Variants in TTN observed in about 807,000 individuals in gnomAD.
TTN encodes the protein connectin.
Under a neutral mutation model 3,223.0 loss-of-function variants are expected in TTN, and 1,525 were observed. The observed-to-expected ratio is 0.47, with a 90% confidence interval of 0.45 to 0.49. The LOEUF is 0.49. Among genes scored for constraint, TTN ranks in the 20% least tolerant of loss-of-function variants. The probability of loss-of-function intolerance (pLI) is 0.00; values close to 1 mark genes in which losing one functional copy is unlikely to be tolerated. For synonymous variants in TTN, 14,094 were observed against 15,161.0 expected, an observed-to-expected ratio of 0.93 and a Z score of 5.17; for missense variants, 40,786 against 43,424.0, an observed-to-expected ratio of 0.94 and a Z score of 5.40.
intron 155 of TTN, 35 bp from the exon 156 acceptor site, chr2:178,671,205 C>T (rs753069923): frequency 2.6e-6 from 4 of 1,516,110 alleles, no homozygotes; most frequent in Middle Eastern, 2.0e-4. Context: ...TTAGAATGAA[C>T]TCTTGAAGTA....
In TTN at chr2:178,635,686, T is replaced by C; in HGVS notation, c.41638A>G (p.Ile13880Val). 1 of 1,602,226 alleles carries C rather than the reference T, an allele frequency of 6.2e-7. No homozygotes were observed. The highest frequency in any genetic ancestry group is 8.5e-7 in the Non-Finnish European group (1 of 1,174,024). Residue 13880 changes from isoleucine (I) to valine (V), a missense_variant, in exon 227 of 363, where the codon ATA (isoleucine) becomes GTA (valine). Coordinates refer to ENST00000589042, the MANE Select transcript of TTN (RefSeq NM_001267550.2). ...EVIRDWLVKPIRDQHVKPKGT... is the reference protein window; with the variant it reads ...EVIRDWLVKPVRDQHVKPKGT... Reference sequence around the variant, plus strand: ...TTGGGTTTCACATGCTGGTCTCGTATAGGTTTCACCAGCCAATCTCTAATG... The same window carrying C: ...TTGGGTTTCACATGCTGGTCTCGTACAGGTTTCACCAGCCAATCTCTAATG...
At chr2:178,781,011 A>C in intron 21 of TTN, 110 bp downstream of exon 21, 1 of 1,462,864 alleles carries the variant, frequency 6.8e-7, no homozygotes, top group Non-Finnish European at 9.5e-7. Flanking sequence ...ACACTGGGGC[A>C]AAGTATCAGA....
Position 178,539,965 on chromosome 2 carries a change from T to C in TTN, c.98100A>G (p.Glu32700=). Reference sequence around the variant, plus strand: ...TTTCATCAAGTTCATAATCAGGATATTCTGGAAAAAAAGGTAGGGTTTCAA... The same window carrying C: ...TTTCATCAAGTTCATAATCAGGATACTCTGGAAAAAAAGGTAGGGTTTCAA... ...PGTVKVTEML[E]YPDYELDERY... Residue 32700 remains glutamate (E), a splice_region_variant and synonymous_variant, in exon 352 of 363, where the codon GAA becomes GAG. Coordinates refer to ENST00000589042, the MANE Select transcript of TTN (RefSeq NM_001267550.2). 6.2e-7 allele frequency: 1 copy of C among 1,610,196 alleles called. No individual in the cohort carries two copies. The highest frequency in any genetic ancestry group is 8.5e-7 in the Non-Finnish European group (1 of 1,177,444).
At chr2:178,659,129 GACAA>G (rs746956545) in intron 181 of TTN, 39 bp downstream of exon 181, 20 of 656,794 alleles carry the variant, frequency 3.0e-5, no homozygotes, top group African/African-American at 1.1e-4. Flanking sequence ...ACAAAGTAAA[GACAA>G]ACAAACAATA....
rs777445188 is a variant in TTN at position 178,717,379 on chromosome 2, T to C, written c.25355A>G (p.His8452Arg). 1.2e-6 allele frequency: 2 copies of C among 1,604,394 alleles called. No homozygotes were observed. Among genetic ancestry groups the C allele is most frequent in the East Asian group, 2.2e-5 (1 of 44,722 alleles). ...TAGATCAAAGAAAGGAGGCACTTCA[T>C]GCTCTGAAAAGAATGAAGACCAACA... ...SSSAKLILSEHEVPPFFDLKP... is the reference protein window; with the variant it reads ...SSSAKLILSEREVPPFFDLKP... The change falls in exon 88 of 363, where the codon CAT becomes CGT. Residue 8452 changes from histidine to arginine, a missense_variant. His to Arg is a conservative substitution (Grantham distance 29). Coordinates refer to ENST00000589042, the MANE Select transcript of TTN (RefSeq NM_001267550.2).
At position 178,577,507 on chromosome 2, in the gene TTN, GCCTCTGC is replaced by G; in HGVS notation, c.68825-4_68827del. On this transcript the variant is annotated splice_acceptor_variant and splice_polypyrimidine_tract_variant and coding_sequence_variant and intron_variant, in exon 324 of 363. Coordinates refer to ENST00000589042, the MANE Select transcript of TTN (RefSeq NM_001267550.2). LOFTEE classifies it high-confidence loss of function. ...TGTGGGATCAAGGACAATTGTTGGT[GCCTCTGC>G]AAAGAAAAAAATACATTTTAATCAG... 1.3e-6 allele frequency: 2 copies of G among 1,568,596 alleles called. No individual in the cohort carries two copies. Among genetic ancestry groups the G allele is most frequent in the Admixed American group, 3.7e-5 (2 of 53,732 alleles).
At position 178,577,786 on chromosome 2, in the gene TTN, C is replaced by T. The variant is rs370292933; in HGVS notation, c.68640G>A (p.Lys22880=). ...GHKLTGYIVE[K]RDLPSKSWMK... ...TCCAAGACTTCGAAGGTAGATCTCG[C>T]TTCTCCACTATATATCCAGTTAACT... Residue 22880 remains lysine (K), a synonymous_variant, in exon 323 of 363, where the codon AAG becomes AAA. Transcript: ENST00000589042. The T allele has an allele frequency of 1.6e-5, 25 of 1,611,192 alleles. No individual in the cohort carries two copies. The African/African-American group carries it at 3.1e-4, about 20-fold the overall frequency.
intron 2 of TTN, among the ~76,000 whole-genome samples, chr2:178,804,288 T>C (rs1014772529): frequency 6.6e-6 from 1 of 152,216 alleles, no homozygotes; most frequent in Non-Finnish European, 1.5e-5. Context: ...AGTTGCTGGA[T>C]TCTAACGGCA....
chr2:178,698,973 T>G, intron 111 of TTN, 59 bp from the exon 112 acceptor site: 1 of 1,424,598 alleles, frequency 7.0e-7, no homozygotes, highest in Non-Finnish European at 9.3e-7. Flanking sequence ...GTAACTAAAA[T>G]GCTTTCAGGA....
Position 178,774,061 on chromosome 2 carries a change from C to T in TTN, c.7107G>A (p.Glu2369=), listed in dbSNP as rs2154344970. The T allele has an allele frequency of 6.2e-7, 1 of 1,614,066 alleles. No individual in the cohort carries two copies. The highest frequency in any genetic ancestry group is 8.5e-7 in the Non-Finnish European group (1 of 1,179,996). The stretch of plus-strand genomic sequence containing the variant: ...TAACTTCAAGCTGAACAATGTCACC[C>T]TCACAGACTTTTTGGTCACTAAGTC... ...LQGLSDQKVC[E]GDIVQLEVKV... is the part of the protein sequence containing the mutation. Residue 2369 remains glutamate, a synonymous_variant, in exon 31 of 363, where the codon GAG becomes GAA. Coordinates refer to ENST00000589042, the MANE Select transcript of TTN (RefSeq NM_001267550.2).
At position 178,770,064 on chromosome 2, in the gene TTN, CACAA is replaced by C. The variant is rs727503686; in HGVS notation, c.8633_8636del (p.Phe2878TrpfsTer10). On this transcript the variant is annotated frameshift_variant, in exon 36 of 363. Coordinates refer to ENST00000589042, the MANE Select transcript of TTN (RefSeq NM_001267550.2). LOFTEE classifies it high-confidence loss of function. Reference sequence around the variant, plus strand: ...AGGGGGCTGCCTGATACTTACTCTCCACAAACAGTTTTGCTTTGCATTCCAATTG... The same window carrying C: ...AGGGGGCTGCCTGATACTTACTCTCCACAGTTTTGCTTTGCATTCCAATTG... 1 of 1,614,132 alleles carries C rather than the reference CACAA, an allele frequency of 6.2e-7. No individual in the cohort carries two copies. The highest frequency in any genetic ancestry group is 8.5e-7 in the Non-Finnish European group (1 of 1,180,006).
intron 44 of TTN, among the ~76,000 whole-genome samples, chr2:178,758,148 T>C (rs1297243113): frequency 6.6e-6 from 1 of 152,324 alleles, no homozygotes; most frequent in East Asian, 1.9e-4. Context: ...ACATTGTTCA[T>C]GAAGGCAATA....
intron 316 of TTN, 42 bp from the exon 317 acceptor site, chr2:178,580,651 G>A: frequency 6.4e-7 from 1 of 1,556,004 alleles, no homozygotes; most frequent in Non-Finnish European, 8.7e-7. Context: ...AAATTTAATA[G>A]TCAAATGTAT....
Position 178,539,840 on chromosome 2 carries a change from C to A in TTN, c.98225G>T (p.Gly32742Val). The A allele has an allele frequency of 6.2e-7, 1 of 1,613,830 alleles. No homozygotes were observed. Among genetic ancestry groups the A allele is most frequent in the Non-Finnish European group, 8.5e-7 (1 of 1,179,780 alleles). ...CATGGCACGCTTACTAATATCCTGGCCTTCCTTGGTCCATTTACATATTGG... is the reference window on the plus strand; with the variant it reads ...CATGGCACGCTTACTAATATCCTGGACTTCCTTGGTCCATTTACATATTGG... ...PFPICKWTKE[G>V]QDISKRAMIA... Residue 32742 changes from glycine (G) to valine (V), a missense_variant, in exon 352 of 363, where the codon GGC becomes GTC. Physicochemically the swap from Gly to Val is moderately radical, Grantham distance 109. Coordinates refer to ENST00000589042, the MANE Select transcript of TTN (RefSeq NM_001267550.2).
In TTN at chr2:178,746,195, G is replaced by A. The variant is rs1047441070; in HGVS notation, c.11312-4274C>T. On this transcript the variant is annotated intron_variant, in intron 47 of 362. Coordinates refer to ENST00000589042, the MANE Select transcript of TTN (RefSeq NM_001267550.2). ...TTCGGGAGTCGGGATCCCTATGACT[G>A]AACATTTGAATACAGCATCTGAATT... The A allele has an allele frequency of 6.2e-6, 10 of 1,613,134 alleles. No homozygotes were observed. The Admixed American group carries it at 1.2e-4, about 19-fold the overall frequency.
chr2:178,624,176 G>A (rs1408291759), intron 242 of TTN, among the ~76,000 whole-genome samples: 2 of 151,914 alleles, frequency 1.3e-5, no homozygotes, highest in South Asian at 4.1e-4. Context: ...CCATACAGTA[G>A]GCTGACCCCA....
Position 178,537,346 on chromosome 2 carries a change from T to TGAA in TTN, c.99860_99861insTTC (p.Ile33287_Gln33288insSer). On this transcript the variant is annotated inframe_insertion, in exon 355 of 363. Transcript: ENST00000589042. ...CTGAAAATAAAAATAAAATACCTTG[T>TGAA]ATTTCCACATCAAGGATGGCATCAA... is the stretch of plus-strand genomic sequence containing the variant. 1 of 1,544,350 alleles carries TGAA rather than the reference T, an allele frequency of 6.5e-7. No individual in the cohort carries two copies.
chr2:178,663,594 C>T (rs923518077), intron 171 of TTN, 33 bp downstream of exon 171: 4 of 1,613,414 alleles, frequency 2.5e-6, no homozygotes, highest in Non-Finnish European at 3.4e-6. Context: ...AGAAGAGATA[C>T]ATCATCTGAA....
At position 178,562,263 on chromosome 2, in the gene TTN, T is replaced by G. The variant is rs1249732511; in HGVS notation, c.83869A>C (p.Arg27957=). ...ACTGAAGGCTTTATTTCAATATCCC[T>G]TGCAATTACTGGCACTCCAAGTTGT... ...PRQLGVPVIA[R]DIEIKPSVEL... Residue 27957 remains arginine (R), a synonymous_variant, in exon 326 of 363, where the codon AGG becomes CGG. Coordinates refer to ENST00000589042, the MANE Select transcript of TTN (RefSeq NM_001267550.2). 1 of 1,613,430 alleles carries G rather than the reference T, an allele frequency of 6.2e-7. No homozygotes were observed. Among genetic ancestry groups the G allele is most frequent in the South Asian group, 1.1e-5 (1 of 91,032 alleles).
Sources: gnomAD v4.1 joint callset for allele counts (sites outside exome capture counted in the v4.1 genomes callset) on GRCh38, gnomAD v4.1.1 for gene constraint, MANE v1.5 for transcripts, NCBI Gene and HGNC (gene_info 2026-07-23, HGNC 2026-07-21) for gene names.